Variants in TTC13 observed in about 807,000 individuals in gnomAD.
TTC13 encodes the protein tetratricopeptide repeat protein 13.
In TTC13, 62 loss-of-function variants were observed where a neutral mutation model predicts 120.0. The observed-to-expected ratio is 0.52, with a 90% confidence interval of 0.42 to 0.64. TTC13 has a LOEUF of 0.64. Ranked by LOEUF, TTC13 falls within the 30% of genes least tolerant of loss-of-function variation. The pLI is 0.00. For missense variants in TTC13, 824 were observed against 1,050.2 expected (o/e 0.78, Z 2.98); for synonymous variants, 384 against 393.5 (o/e 0.98, Z 0.28).
chr1:230,947,293 G>A (rs9431914), intron 4 of TTC13, among the ~76,000 whole-genome samples: 20,397 of 152,036 alleles, frequency 0.13, 1,391 homozygotes, highest in Non-Finnish European at 0.15. Context: ...AGGTGTCAGG[G>A]GGAAAAGGGG....
chr1:230,908,663 TC>T (rs535426045), intron 22 of TTC13, 48 bp downstream of exon 22: 3 of 1,507,390 alleles, frequency 2.0e-6, no homozygotes, highest in Non-Finnish European at 2.7e-6. Flanking sequence ...AAACTCCTTT[TC>T]CTCCTCCAGT....
chr1:230,966,844 T>C lies in TTC13; in HGVS notation c.272-5541A>G, dbSNP rs571390243. The stretch of plus-strand genomic sequence containing the variant: ...GAACCTGCAGTAATCATCCTGACGC[T>C]ACCCTCTAGCAAAGCAGTGGAGGGA... On this transcript the variant is annotated intron_variant, in intron 1 of 22. Coordinates refer to ENST00000366661, the MANE Select transcript of TTC13 (RefSeq NM_024525.5). 1.6e-3 allele frequency among the ~76,000 whole-genome samples: 240 copies of C among 152,312 alleles called. 1 individual carries two copies. Among genetic ancestry groups the C allele is most frequent in the African/African-American group, 5.3e-3 (220 of 41,564 alleles).
intron 10 of TTC13, 26 bp downstream of exon 10, chr1:230,931,710 C>T (rs1673576519): frequency 6.2e-7 from 1 of 1,611,320 alleles, no homozygotes; most frequent in African/African-American, 1.3e-5. Flanking sequence ...ATTCCAATTA[C>T]AGTGTTCTTA....
In TTC13 at chr1:230,942,495, T is replaced by TAAGAACAA. The variant is rs1674613963; in HGVS notation, c.672+1303_672+1310dup. 6.6e-6 allele frequency among the ~76,000 whole-genome samples: 1 copy of TAAGAACAA among 152,204 alleles called. No homozygotes were observed. Among genetic ancestry groups the TAAGAACAA allele is most frequent in the Non-Finnish European group, 1.5e-5 (1 of 68,036 alleles). On this transcript the variant is annotated intron_variant, in intron 6 of 22. Coordinates refer to ENST00000366661, the MANE Select transcript of TTC13 (RefSeq NM_024525.5). The surrounding 1 kb of genome is among the most constrained non-coding windows in gnomAD (Gnocchi z 4.0). ...ACTGAACTGTAAGACACAATAATCT[T>TAAGAACAA]AAGAACAAAAATACCATAAATACAG...
chr1:230,972,600 T>C (rs184174035), intron 1 of TTC13, among the ~76,000 whole-genome samples: 82 of 152,334 alleles, frequency 5.4e-4, no homozygotes, highest in African/African-American at 1.9e-3. Flanking sequence ...TGTCTGTACA[T>C]TGAGTGGTGC....
chr1:230,960,576 A>AAG (rs34579803), intron 2 of TTC13, among the ~76,000 whole-genome samples: 3 of 107,310 alleles, frequency 2.8e-5, no homozygotes, highest in Non-Finnish European at 6.1e-5. Flanking sequence ...GCTTTGTTTG[A>AAG]AAAAAAAAAA....
intron 1 of TTC13, among the ~76,000 whole-genome samples, chr1:230,962,185 G>A (rs886696063): frequency 4.0e-5 from 6 of 150,330 alleles, no homozygotes; most frequent in Non-Finnish European, 4.4e-5. Context: ...ACTCCAGCCT[G>A]GGCAACAAGA....
chr1:230,922,431 A>G (rs569616918), intron 15 of TTC13, among the ~76,000 whole-genome samples: 1 of 152,236 alleles, frequency 6.6e-6, no homozygotes, highest in South Asian at 2.1e-4. Flanking sequence ...TCTTCTCCCA[A>G]TGTGCAAATC....
chr1:230,933,499 C>T (rs1177492422), intron 9 of TTC13, among the ~76,000 whole-genome samples: 1 of 152,206 alleles, frequency 6.6e-6, no homozygotes, highest in Non-Finnish European at 1.5e-5. Flanking sequence ...CAATAGCTTA[C>T]AATGCCACTA....
rs780092856 is a variant in TTC13, at chr1:230,931,828, A to G, written c.1033T>C (p.Leu345=). 1.9e-6 allele frequency: 3 copies of G among 1,614,228 alleles called. No homozygotes were observed. The highest frequency in any genetic ancestry group is 4.5e-5 in the East Asian group (2 of 44,886). ...GTTTGCACATGATTTTGGTTGAGCA[A>G]CAGTGCCTTTTGAAAGCTCTCAGTG... ...AATESFQKAL[L]LNQNHVQTLQ... Residue 345 remains leucine, a synonymous_variant, in exon 10 of 23, where the codon TTG becomes CTG. Coordinates refer to ENST00000366661, the MANE Select transcript of TTC13 (RefSeq NM_024525.5).
chr1:230,908,684 C>T, intron 22 of TTC13, 28 bp downstream of exon 22: 1 of 1,600,310 alleles, frequency 6.2e-7, no homozygotes, highest in African/African-American at 1.3e-5. Context: ...TTATGATACC[C>T]TTGTGTGGAC....
chr1:230,951,242 C>T (rs897594658), intron 4 of TTC13, among the ~76,000 whole-genome samples: 1 of 152,082 alleles, frequency 6.6e-6, no homozygotes, highest in Admixed American at 6.5e-5. Flanking sequence ...ATTTGAAAAT[C>T]ATATTAAATG....
intron 11 of TTC13, among the ~76,000 whole-genome samples, chr1:230,930,190 C>A (rs1013991297): frequency 1.3e-5 from 2 of 152,082 alleles, no homozygotes; most frequent in Non-Finnish European, 2.9e-5. Context: ...ATAAACTATA[C>A]ATCAGATTTC....
At chr1:230,914,763 C>T (rs941617000) in intron 18 of TTC13, among the ~76,000 whole-genome samples, 3 of 151,982 alleles carry the variant, frequency 2.0e-5, no homozygotes, top group Admixed American at 6.6e-5. Flanking sequence ...ATATATATAA[C>T]ATATAAAATA....
At chr1:230,949,050 A>C (rs1238287948) in intron 4 of TTC13, among the ~76,000 whole-genome samples, 1 of 152,010 alleles carries the variant, frequency 6.6e-6, no homozygotes, top group African/African-American at 2.4e-5. Context: ...CATTCATTCC[A>C]CAATTATTTA....
chr1:230,955,652 CAGAG>C (rs35285264), intron 3 of TTC13, among the ~76,000 whole-genome samples: 1 of 128,818 alleles, frequency 7.8e-6, no homozygotes, highest in Non-Finnish European at 1.6e-5. Context: ...GCCTGGGCGA[CAGAG>C]AGAGACTCCA....
chr1:230,932,364 T>C (rs1046936691), intron 9 of TTC13, among the ~76,000 whole-genome samples: 1 of 151,842 alleles, frequency 6.6e-6, no homozygotes, highest in Admixed American at 6.6e-5. Flanking sequence ...TAATTTAGAA[T>C]TCTGAAAAAA....
intron 20 of TTC13, among the ~76,000 whole-genome samples, chr1:230,910,412 A>G (rs561235250): frequency 2.0e-5 from 3 of 152,336 alleles, no homozygotes; most frequent in African/African-American, 7.2e-5. Flanking sequence ...GCTTAAACCC[A>G]TGGTTTTCAG....
intron 2 of TTC13, among the ~76,000 whole-genome samples, chr1:230,960,643 T>A (rs1408248162): frequency 1.3e-5 from 2 of 149,714 alleles, no homozygotes; most frequent in African/African-American, 4.9e-5. Flanking sequence ...TCTATGCAGA[T>A]GTTGAAGGAA....
Sources: gnomAD v4.1 joint callset for allele counts (sites outside exome capture counted in the v4.1 genomes callset) on GRCh38, gnomAD v4.1.1 for gene constraint, Gnocchi (gnomAD v3.1) non-coding constraint, MANE v1.5 for transcripts, NCBI Gene and HGNC (gene_info 2026-07-23, HGNC 2026-07-21) for gene names.